QTRT2: variants seen among roughly 807,000 people sequenced by gnomAD.
QTRT2 encodes the protein queuine tRNA-ribosyltransferase accessory subunit 2.
In QTRT2, 32 loss-of-function variants were observed where a neutral mutation model predicts 44.8. The observed-to-expected ratio is 0.71, with a 90% CI of 0.54 to 0.96. QTRT2 has a LOEUF of 0.96. Among genes scored for constraint, QTRT2 ranks in the 40% least tolerant of loss-of-function variants. The pLI is 0.00. For synonymous variants in QTRT2, 182 were observed against 187.4 expected, an observed-to-expected ratio of 0.97 and a Z score of 0.24; for missense variants, 461 against 503.1, an observed-to-expected ratio of 0.92 and a Z score of 0.80.
Position 114,085,755 on chromosome 3 carries a change from C to G in QTRT2, c.1099C>G (p.Leu367Val), listed in dbSNP as rs778423305. 8.7e-6 allele frequency: 14 copies of G among 1,614,240 alleles called. No homozygotes were observed. The highest frequency in any genetic ancestry group is 1.2e-5 in the Non-Finnish European group (14 of 1,180,042). Residue 367 changes from leucine to valine, a missense_variant, in exon 10 of 10, where the codon CTG becomes GTG. Transcript: ENST00000281273. ...KNHTRAYIHHLLVTNELLAGV... is the reference protein window; with the variant it reads ...KNHTRAYIHHVLVTNELLAGV... ...TCACACTCGGGCATACATCCACCAT[C>G]TGCTGGTGACCAATGAGCTGCTGGC...
chr3:114,063,940 C>T (rs985607058), intron 2 of QTRT2, among the ~76,000 whole-genome samples: 1 of 152,080 alleles, frequency 6.6e-6, no homozygotes, highest in African/African-American at 2.4e-5. Flanking sequence ...TCTGGCCGGG[C>T]ACAGTGGCTC....
chr3:114,071,260 A>G (rs2077021113), intron 6 of QTRT2, among the ~76,000 whole-genome samples: 1 of 152,168 alleles, frequency 6.6e-6, no homozygotes, highest in East Asian at 1.9e-4. Context: ...TCAATACTTT[A>G]TCTCCATTTA....
intron 9 of QTRT2, among the ~76,000 whole-genome samples, chr3:114,083,311 CTGCTGTTGT>C (rs1184550375): frequency 2.4e-5 from 2 of 85,032 alleles, no homozygotes; most frequent in Admixed American, 1.5e-4. Flanking sequence ...GCTGTTGCTG[CTGCTGTTGT>C]TGTTGTTGTT....
intron 3 of QTRT2, among the ~76,000 whole-genome samples, chr3:114,065,963 G>T (rs1314455168): frequency 2.6e-5 from 4 of 152,202 alleles, no homozygotes; most frequent in Non-Finnish European, 5.9e-5. Flanking sequence ...TTTTAAAGGG[G>T]CAAGAGAAGG....
intron 2 of QTRT2, among the ~76,000 whole-genome samples, chr3:114,059,341 CA>C (rs2076852005): frequency 6.6e-6 from 1 of 152,128 alleles, no homozygotes; most frequent in South Asian, 2.1e-4. Flanking sequence ...ATGATAAAGG[CA>C]AATAAAAACT....
At position 114,087,954 on chromosome 3, in the gene QTRT2, T is replaced by C. The variant is rs1392882424; in HGVS notation, c.*2050T>C. On this transcript the variant is annotated 3_prime_UTR_variant, in exon 10 of 10. Transcript: ENST00000281273. ...GGCGGGAACAAATAGTCAAATTATATTACCCATCTACATGGTTTTCTTTTT... is the reference window on the plus strand; with the variant it reads ...GGCGGGAACAAATAGTCAAATTATACTACCCATCTACATGGTTTTCTTTTT... The C allele has an allele frequency of 1.3e-5, 2 of 152,188 alleles. No homozygotes were observed. The highest frequency in any genetic ancestry group is 4.8e-5 in the African/African-American group (2 of 41,456). 9.4% of individuals were successfully genotyped at this position (152,188 alleles called of 1,614,324 possible). A position where few individuals can be genotyped will look rare whatever the true frequency, so the allele number is the denominator to read the frequency against.
At chr3:114,057,594 G>A (rs537177926) in intron 2 of QTRT2, 1 of 152,188 alleles carries the variant, frequency 6.6e-6, no homozygotes, top group African/African-American at 2.4e-5. Flanking sequence ...TCTGAAAGGC[G>A]GTTGAATAAA....
rs1385558119 is a variant in QTRT2 at position 114,056,805 on chromosome 3, G to C, written c.-189G>C. The C allele has an allele frequency of 1.3e-6, 2 of 1,532,822 alleles. No homozygotes were observed. Among genetic ancestry groups the C allele is most frequent in the Non-Finnish European group, 1.7e-6 (2 of 1,145,164 alleles). 95.0% of individuals were successfully genotyped at this position (1,532,822 alleles called of 1,614,324 possible). ...GCAGAGAATTTTGCAACACGTGGTA[G>C]TGAACTGTGAGGAGTTTGAGGGGTC... On this transcript the variant is annotated 5_prime_UTR_variant, in exon 1 of 10. Transcript: ENST00000281273.
chr3:114,066,131 G>T, intron 3 of QTRT2, 97 bp from the exon 4 acceptor site: 1 of 817,430 alleles, frequency 1.2e-6, no homozygotes. Flanking sequence ...TTACCATGAT[G>T]TAACTTATTT....
chr3:114,088,233 A>G lies in QTRT2; in HGVS notation c.*2329A>G, dbSNP rs2077261223. On this transcript the variant is annotated 3_prime_UTR_variant, in exon 10 of 10. Transcript: ENST00000281273. ...TAAAACACTGAAAACTGTGTCCAAT[A>G]TCGTTCAGTTTCCTGGGTCTTTTTC... 6.6e-6 allele frequency: 1 copy of G among 152,224 alleles called. No homozygotes were observed. The highest frequency in any genetic ancestry group is 6.5e-5 in the Admixed American group (1 of 15,284). The allele number at this position is 152,224 out of a possible 1,614,324, so 9.4% of individuals were successfully genotyped here.
At chr3:114,072,629 C>G (rs145069223) in intron 6 of QTRT2, among the ~76,000 whole-genome samples, 1 of 152,180 alleles carries the variant, frequency 6.6e-6, no homozygotes, top group Non-Finnish European at 1.5e-5. Context: ...AGCAGAATGC[C>G]TTCCCTGTCT....
chr3:114,070,876 C>T (rs757431355), intron 6 of QTRT2, 38 bp downstream of exon 6: 9 of 1,535,912 alleles, frequency 5.9e-6, no homozygotes, highest in South Asian at 1.1e-5. Flanking sequence ...TCTCTTGACA[C>T]TCTTGCCTCC....
In QTRT2 at chr3:114,060,492, GTAGGTAGATAGA is replaced by G. The variant is rs1335001641; in HGVS notation, c.-22+3390_-22+3401del. ...GATAGATAGGTAGGTAGGTAGGTAG[GTAGGTAGATAGA>G]TAGATAGATAGATAGATAGATAGAT... On this transcript the variant is annotated intron_variant, in intron 2 of 9. Transcript: ENST00000281273. Among the ~76,000 whole-genome samples, 290 of 137,162 alleles carry G rather than the reference GTAGGTAGATAGA, an allele frequency of 2.1e-3. 1 individual carries two copies. Among genetic ancestry groups the G allele is most frequent in the African/African-American group, 7.1e-3 (255 of 35,696 alleles). The allele number at this position is 137,162 out of a possible 152,430, so 90.0% of individuals were successfully genotyped here. A position where few individuals can be genotyped will look rare whatever the true frequency, so the allele number is the denominator to read the frequency against.
At chr3:114,076,632 A>G in intron 6 of QTRT2, 111 bp from the exon 7 acceptor site, 2 of 953,614 alleles carry the variant, frequency 2.1e-6, no homozygotes, top group Non-Finnish European at 3.3e-6. Flanking sequence ...TGCTTCAACT[A>G]CAGCAGCTTC....
At chr3:114,085,093 T>G (rs1183815432) in intron 9 of QTRT2, among the ~76,000 whole-genome samples, 1 of 152,230 alleles carries the variant, frequency 6.6e-6, no homozygotes, top group Non-Finnish European at 1.5e-5. Context: ...ATACTCAACA[T>G]GAGTGAGCGA....
chr3:114,059,469 T>C (rs549028057), intron 2 of QTRT2, among the ~76,000 whole-genome samples: 2 of 152,370 alleles, frequency 1.3e-5, no homozygotes, highest in South Asian at 4.1e-4. Flanking sequence ...TATGTGTGTG[T>C]ACTATTTTAT....
Position 114,088,371 on chromosome 3 carries a change from T to C in QTRT2, c.*2467T>C, listed in dbSNP as rs1410620615. ...AAAATTTACTGTGTTTGGCTTTCTG[T>C]AAATGTAGTAGGTCTGTTAAACAAA... On this transcript the variant is annotated 3_prime_UTR_variant, in exon 10 of 10. Transcript: ENST00000281273. 1 of 152,216 alleles carries C rather than the reference T, an allele frequency of 6.6e-6. No homozygotes were observed. Among genetic ancestry groups the C allele is most frequent in the Non-Finnish European group, 1.5e-5 (1 of 68,032 alleles). The allele number at this position is 152,216 out of a possible 1,614,324, so 9.4% of individuals were successfully genotyped here.
intron 6 of QTRT2, among the ~76,000 whole-genome samples, chr3:114,075,145 T>C (rs1277089607): frequency 6.6e-6 from 1 of 152,350 alleles, no homozygotes; most frequent in East Asian, 1.9e-4. Flanking sequence ...TGATTTTTAC[T>C]CTGTGTTTAT....
intron 6 of QTRT2, among the ~76,000 whole-genome samples, chr3:114,076,416 C>T (rs1280290272): frequency 3.9e-5 from 6 of 152,218 alleles, no homozygotes; most frequent in Non-Finnish European, 8.8e-5. Flanking sequence ...AAGTGATCCT[C>T]CTGCCTCGGC....
Sources: gnomAD v4.1 joint callset for allele counts (sites outside exome capture counted in the v4.1 genomes callset) on GRCh38, gnomAD v4.1.1 for gene constraint, MANE v1.5 for transcripts, NCBI Gene and HGNC (gene_info 2026-07-23, HGNC 2026-07-21) for gene names.